RORA: variants seen among roughly 807,000 people sequenced by gnomAD.
RORA encodes RAR related orphan receptor A.
A neutral mutation model predicts 69.5 loss-of-function variants in RORA; 7 were observed. That is an observed-to-expected ratio of 0.10 (90% CI 0.06 to 0.19). The LOEUF (loss-of-function observed/expected upper bound fraction) is 0.19. Among genes scored for constraint, RORA ranks in the 10% least tolerant of loss-of-function variants. RORA has a pLI of 1.00. For synonymous variants in RORA, 261 were observed against 240.8 expected (o/e 1.08, Z -0.78); for missense variants, 457 against 663.0 (o/e 0.69, Z 3.41).
At chr15:60,640,064 G>T (rs1460965401) in intron 2 of RORA, among the ~76,000 whole-genome samples, 1 of 152,174 alleles carries the variant, frequency 6.6e-6, no homozygotes, top group Non-Finnish European at 1.5e-5. Context: ...CCCTTTGTTT[G>T]ATTTGGAGTT....
intron 2 of RORA, among the ~76,000 whole-genome samples, chr15:60,570,117 CAA>C (rs2140450041): frequency 6.6e-6 from 1 of 152,182 alleles, no homozygotes; most frequent in African/African-American, 2.4e-5. Context: ...GACTCCGAGA[CAA>C]GAGAGAAGAT....
chr15:60,826,756 T>C (rs866442937), intron 1 of RORA, among the ~76,000 whole-genome samples: 10,130 of 95,934 alleles, frequency 0.11, 425 homozygotes, highest in South Asian at 0.17. Context: ...TCTCTCTCTC[T>C]CTCTCTCTCC....
chr15:60,725,555 TC>T (rs748205236), intron 1 of RORA, among the ~76,000 whole-genome samples: 35 of 152,208 alleles, frequency 2.3e-4, no homozygotes, highest in Non-Finnish European at 4.7e-4. Flanking sequence ...CAAGCACGTA[TC>T]CTTTGTGTTA....
intron 1 of RORA, among the ~76,000 whole-genome samples, chr15:60,923,839 C>G (rs1024363424): frequency 4.6e-5 from 7 of 152,198 alleles, no homozygotes; most frequent in Admixed American, 2.6e-4. Context: ...CACCATAGGG[C>G]TTGCCATGTG....
intron 1 of RORA, among the ~76,000 whole-genome samples, chr15:60,971,241 C>T (rs1893704460): frequency 6.6e-6 from 1 of 152,218 alleles, no homozygotes; most frequent in South Asian, 2.1e-4. Flanking sequence ...TCCCCTAACA[C>T]TGCATTTGTA....
At chr15:60,565,923 A>C (rs954768949) in intron 2 of RORA, among the ~76,000 whole-genome samples, 1 of 152,152 alleles carries the variant, frequency 6.6e-6, no homozygotes, top group African/African-American at 2.4e-5. Flanking sequence ...ATTCTGATAC[A>C]AGTTTCTTGC....
intron 1 of RORA, among the ~76,000 whole-genome samples, chr15:60,799,851 G>A (rs1235948980): frequency 6.6e-6 from 1 of 152,256 alleles, no homozygotes; most frequent in African/African-American, 2.4e-5. Context: ...ATCAAGATAT[G>A]TAGATAGGAA....
At chr15:60,762,477 CAGAG>C (rs372019112) in intron 1 of RORA, among the ~76,000 whole-genome samples, 4 of 152,110 alleles carry the variant, frequency 2.6e-5, no homozygotes, top group African/African-American at 9.7e-5. Flanking sequence ...CACCAGAATT[CAGAG>C]AAAGGAGGAC....
chr15:61,208,171 A>G (rs189434745), intron 1 of RORA, among the ~76,000 whole-genome samples: 16 of 152,374 alleles, frequency 1.1e-4, no homozygotes, highest in Admixed American at 6.5e-4. Flanking sequence ...CAGTTGATGA[A>G]TGAATAAACA....
rs879649439 is a variant in RORA at position 60,939,604 on chromosome 15, C to T, written c.167-260918G>A. Among the ~76,000 whole-genome samples the T allele has an allele frequency of 2.0e-5, 3 of 152,212 alleles. No homozygotes were observed. The South Asian group carries it at 6.2e-4, about 32-fold the overall frequency. The stretch of plus-strand genomic sequence containing the variant: ...GAGCCGTGCCAGCCTCAGCACAGGG[C>T]GGCCGTGTCGGCCATCAGTCACCAC... On this transcript the variant is annotated intron_variant, in intron 1 of 10. Transcript: ENST00000335670.
At chr15:61,222,321 A>T (rs2080105375) in intron 1 of RORA, among the ~76,000 whole-genome samples, 1 of 152,246 alleles carries the variant, frequency 6.6e-6, no homozygotes, top group South Asian at 2.1e-4. Context: ...GTGATAAGAC[A>T]GTCTGTAATA....
chr15:60,693,944 A>G (rs60994982), intron 1 of RORA, among the ~76,000 whole-genome samples: 1,905 of 152,300 alleles, frequency 0.013, 33 homozygotes, highest in African/African-American at 0.044. Context: ...AGAAAAAACT[A>G]CTTTAAAATT....
chr15:61,080,979 C>T (rs555895519), intron 1 of RORA, among the ~76,000 whole-genome samples: 4 of 152,326 alleles, frequency 2.6e-5, no homozygotes, highest in East Asian at 3.9e-4. Flanking sequence ...ACTGTCTGGC[C>T]GGTGCCTCTC....
In RORA at chr15:60,811,058, A is replaced by T. The variant is rs146707415; in HGVS notation, c.167-132372T>A. 2.1e-3 allele frequency among the ~76,000 whole-genome samples: 316 copies of T among 152,266 alleles called. 1 individual carries two copies. Among genetic ancestry groups the T allele is most frequent in the African/African-American group, 7.3e-3 (305 of 41,564 alleles). On this transcript the variant is annotated intron_variant, in intron 1 of 10. Coordinates refer to ENST00000335670, the MANE Select transcript of RORA (RefSeq NM_134261.3). ...TGTGTGGGAGACAAGTCCGAAAGAGAAAGCAGGGAGTCTTCAATTAAATAC... is the reference window on the plus strand; with the variant it reads ...TGTGTGGGAGACAAGTCCGAAAGAGTAAGCAGGGAGTCTTCAATTAAATAC...
At chr15:60,502,722 C>T in intron 8 of RORA, 38 bp downstream of exon 8, 2 of 1,237,228 alleles carry the variant, frequency 1.6e-6, no homozygotes, top group Non-Finnish European at 2.4e-6. Context: ...TTTCCTATAG[C>T]CCTGATTTGA....
Position 60,827,648 on chromosome 15 carries a change from T to C in RORA, c.167-148962A>G, listed in dbSNP as rs1029203451. Among the ~76,000 whole-genome samples the C allele has an allele frequency of 1.6e-3, 243 of 151,624 alleles. 1 individual carries two copies. Among genetic ancestry groups the C allele is most frequent in the African/African-American group, 5.6e-3 (231 of 41,408 alleles). On this transcript the variant is annotated intron_variant, in intron 1 of 10. Coordinates refer to ENST00000335670, the MANE Select transcript of RORA (RefSeq NM_134261.3). ...ATTCCTGCTGCTGGGACATGGCGGG[T>C]GTTGGAGCTGCCTCCTGGGAGAGAG...
chr15:60,884,388 T>A (rs561214974), intron 1 of RORA, among the ~76,000 whole-genome samples: 2 of 151,972 alleles, frequency 1.3e-5, no homozygotes, highest in South Asian at 4.2e-4. Context: ...AAAAATGTCA[T>A]CTGCCCCTTT....
At chr15:60,952,564 G>C (rs939610626) in intron 1 of RORA, among the ~76,000 whole-genome samples, 2 of 152,040 alleles carry the variant, frequency 1.3e-5, no homozygotes, top group South Asian at 2.1e-4. Context: ...CCCAAAATCT[G>C]CTTAAGCTGA....
At chr15:61,199,653 G>A (rs1298741534) in intron 1 of RORA, among the ~76,000 whole-genome samples, 1 of 152,184 alleles carries the variant, frequency 6.6e-6, no homozygotes, top group Non-Finnish European at 1.5e-5. Context: ...CAGATAGAAG[G>A]TGAAAATATA....
Sources: gnomAD v4.1 joint callset for allele counts (sites outside exome capture counted in the v4.1 genomes callset) on GRCh38, gnomAD v4.1.1 for gene constraint, MANE v1.5 for transcripts, NCBI Gene and HGNC (gene_info 2026-07-23, HGNC 2026-07-21) for gene names.